The following JMJD1C variants were observed in gnomAD, a reference collection of about 807,000 sequenced individuals.
JMJD1C encodes jumonji domain-containing protein 1C.
JMJD1C carries 31 observed loss-of-function variants against 245.3 expected under a neutral mutation model. The observed-to-expected ratio is 0.13, with a 90% CI of 0.09 to 0.17. The LOEUF (loss-of-function observed/expected upper bound fraction) is 0.17. JMJD1C is among the 10% of genes least tolerant of loss of function. The probability of loss-of-function intolerance (pLI) is 1.00; values close to 1 mark genes in which losing one functional copy is unlikely to be tolerated. For synonymous variants in JMJD1C, 1,057 were observed against 1,017.4 expected (o/e 1.04, Z -0.74); for missense variants, 2,691 against 3,000.2 (o/e 0.90, Z 2.41).
chr10:63,472,500 T>G (rs981711082), intron 1 of JMJD1C, among the ~76,000 whole-genome samples: 2 of 152,006 alleles, frequency 1.3e-5, no homozygotes, highest in African/African-American at 4.8e-5. Context: ...CCTGGCTAAT[T>G]TTTGTATTTT....
intron 1 of JMJD1C, among the ~76,000 whole-genome samples, chr10:63,424,673 A>G (rs1055702893): frequency 6.6e-6 from 1 of 151,840 alleles, no homozygotes; most frequent in African/African-American, 2.4e-5. Flanking sequence ...TGCTTGGCCC[A>G]AAACCCATTA....
intron 1 of JMJD1C, among the ~76,000 whole-genome samples, chr10:63,415,995 C>G (rs1215908184): frequency 2.6e-5 from 4 of 152,192 alleles, no homozygotes; most frequent in Non-Finnish European, 1.5e-5. Flanking sequence ...CCATTTCATT[C>G]TCTAAAGAAA....
chr10:63,347,729 G>A (rs1943977720), intron 2 of JMJD1C, among the ~76,000 whole-genome samples: 2 of 151,876 alleles, frequency 1.3e-5, no homozygotes, highest in South Asian at 2.1e-4. Flanking sequence ...CTTGGCCAAC[G>A]TGGTGAAACG....
intron 2 of JMJD1C, among the ~76,000 whole-genome samples, chr10:63,375,613 C>T (rs1946678153): frequency 6.6e-6 from 1 of 151,886 alleles, no homozygotes; most frequent in African/African-American, 2.4e-5. Flanking sequence ...TGCAATGACA[C>T]AATCATGGCT....
At chr10:63,187,978 T>G (rs1844328812) in intron 18 of JMJD1C, among the ~76,000 whole-genome samples, 1 of 152,158 alleles carries the variant, frequency 6.6e-6, no homozygotes, top group South Asian at 2.1e-4. Context: ...TCATGTATAT[T>G]GCAGATAATC....
At chr10:63,224,873 C>A (rs901937728) in intron 3 of JMJD1C, among the ~76,000 whole-genome samples, 1 of 151,956 alleles carries the variant, frequency 6.6e-6, no homozygotes, top group Non-Finnish European at 1.5e-5. Context: ...ACCATCCTGG[C>A]CAACATGGTG....
intron 1 of JMJD1C, among the ~76,000 whole-genome samples, chr10:63,392,448 G>A (rs1461587973): frequency 6.6e-6 from 1 of 152,056 alleles, no homozygotes; most frequent in Non-Finnish European, 1.5e-5. Context: ...ATGGAAGAAA[G>A]TATTTGCAAG....
chr10:63,403,064 T>C (rs1948960298), intron 1 of JMJD1C, among the ~76,000 whole-genome samples: 1 of 152,080 alleles, frequency 6.6e-6, no homozygotes, highest in Non-Finnish European at 1.5e-5. Flanking sequence ...AAAAGAAAGT[T>C]AAGGAAAAAC....
At chr10:63,261,505 C>T (rs1291843633) in intron 3 of JMJD1C, among the ~76,000 whole-genome samples, 4 of 151,814 alleles carry the variant, frequency 2.6e-5, no homozygotes, top group African/African-American at 4.8e-5. Context: ...TTCTTGAAAC[C>T]GGGAGGCGGA....
chr10:63,432,636 C>T (rs1447778242), intron 1 of JMJD1C, among the ~76,000 whole-genome samples: 2 of 152,212 alleles, frequency 1.3e-5, no homozygotes, highest in East Asian at 1.9e-4. Context: ...GGAATGTCTA[C>T]TTCTGGACTT....
intron 1 of JMJD1C, among the ~76,000 whole-genome samples, chr10:63,450,992 A>C (rs1284940566): frequency 1.3e-5 from 2 of 152,196 alleles, no homozygotes; most frequent in African/African-American, 4.8e-5. Context: ...AACACAGATA[A>C]ATCAGTTGTG....
intron 1 of JMJD1C, among the ~76,000 whole-genome samples, chr10:63,489,277 G>C (rs1315022282): frequency 1.3e-5 from 2 of 152,146 alleles, no homozygotes; most frequent in Non-Finnish European, 2.9e-5. Flanking sequence ...GCGGGCGCCT[G>C]TAATCTCAGC....
At chr10:63,275,962 G>A (rs1483981907) in intron 2 of JMJD1C, among the ~76,000 whole-genome samples, 3 of 152,214 alleles carry the variant, frequency 2.0e-5, no homozygotes, top group Middle Eastern at 3.4e-3. Context: ...GTTTATTAAA[G>A]CATTAGTTTT....
In JMJD1C at chr10:63,394,971, A is replaced by C. The variant is rs183390279; in HGVS notation, c.169-14489T>G. Among the ~76,000 whole-genome samples the C allele has an allele frequency of 4.6e-5, 7 of 152,328 alleles. No individual in the cohort carries two copies. In the East Asian group the frequency reaches 1.3e-3, roughly 29 times the overall value. ...GAAATACTTACAAATCACGTATTTC[A>C]CAAAAGACTTGTATCAAGAATATAT... On this transcript the variant is annotated intron_variant, in intron 1 of 25. Coordinates refer to ENST00000399262, the MANE Select transcript of JMJD1C (RefSeq NM_032776.3).
chr10:63,428,257 C>T (rs1248455685), intron 1 of JMJD1C, among the ~76,000 whole-genome samples: 4 of 152,150 alleles, frequency 2.6e-5, no homozygotes, highest in African/African-American at 4.8e-5. Context: ...AATGTATATA[C>T]TTAAGTTTGC....
intron 3 of JMJD1C, among the ~76,000 whole-genome samples, chr10:63,257,240 AAAAAG>A (rs1043160657): frequency 1.3e-5 from 2 of 151,790 alleles, no homozygotes; most frequent in African/African-American, 4.8e-5. Context: ...AAAAAAAAAA[AAAAAG>A]AAAGAAAAGG....
Position 63,206,623 on chromosome 10 carries a change from A to T in JMJD1C, c.5046T>A (p.Ser1682Arg). 2 of 1,596,096 alleles carry T rather than the reference A, an allele frequency of 1.3e-6. No homozygotes were observed. The highest frequency in any genetic ancestry group is 2.7e-5 in the African/African-American group (2 of 73,678). The change falls in exon 10 of 26, where the codon AGT (serine) becomes AGA (arginine). Residue 1682 changes from serine to arginine, a missense_variant. Physicochemically the swap from Ser to Arg is moderately radical, Grantham distance 110 (BLOSUM62 -1). This residue lies in a region of JMJD1C where 144 missense variants were observed against 143.3 expected (regional missense o/e 1.00). Transcript: ENST00000399262. ...TACTGTTGCTTTGCAACTTCAGTTT[A>T]CTTCTTTCTTTGGCACTCCTGCTGA... The part of the protein sequence containing the change: ...GVLSRSAKER[S>R]KLKLQSNSNT...
At chr10:63,402,144 A>AAAAAC (rs1948900884) in intron 1 of JMJD1C, among the ~76,000 whole-genome samples, 2 of 146,314 alleles carry the variant, frequency 1.4e-5, no homozygotes, top group Non-Finnish European at 1.5e-5. Flanking sequence ...AAAAAAAAAG[A>AAAAAC]AAAAAAAACA....
At chr10:63,267,685 A>C (rs1430477763) in intron 2 of JMJD1C, among the ~76,000 whole-genome samples, 2 of 152,188 alleles carry the variant, frequency 1.3e-5, no homozygotes, top group Non-Finnish European at 2.9e-5. Flanking sequence ...CCAAAATGAA[A>C]ATTACTAACA....
Sources: gnomAD v4.1 joint callset for allele counts (sites outside exome capture counted in the v4.1 genomes callset) on GRCh38, gnomAD v4.1.1 for gene constraint, gnomAD v4.1.1 regional missense constraint, MANE v1.5 for transcripts, NCBI Gene and HGNC (gene_info 2026-07-23, HGNC 2026-07-21) for gene names.